CCDC125: variants seen among roughly 807,000 people sequenced by gnomAD.
CCDC125 encodes coiled-coil domain-containing protein 125.
In CCDC125, 43 loss-of-function variants were observed where a neutral mutation model predicts 57.4. That is an observed-to-expected ratio of 0.75 (90% CI 0.59 to 0.97). The LOEUF (loss-of-function observed/expected upper bound fraction) is 0.97. CCDC125 is among the 50% of genes least tolerant of loss of function. The pLI is 0.00. For synonymous variants in CCDC125, 187 were observed against 195.2 expected (o/e 0.96, Z 0.35); for missense variants, 563 against 595.7 (o/e 0.95, Z 0.57).
intron 6 of CCDC125, 125 bp downstream of exon 6, chr5:69,306,691 TA>T: frequency 9.2e-7 from 1 of 1,081,744 alleles, no homozygotes; most frequent in Non-Finnish European, 1.2e-6. Flanking sequence ...ATGCGACTAG[TA>T]AGTGGATAAG....
rs953340372 is a variant in CCDC125 at position 69,325,716 on chromosome 5, C to T, written c.-40-5136G>A. Among the ~76,000 whole-genome samples, 20 of 146,072 alleles carry T rather than the reference C, an allele frequency of 1.4e-4. 1 individual carries two copies. Among genetic ancestry groups the T allele is most frequent in the Non-Finnish European group, 2.5e-4 (17 of 66,854 alleles). ...GCAGGTGCCTGTAATCCTAGCTATTCGGGAGGCTGAGGCAGGAGAATCACT... is the reference window on the plus strand; with the variant it reads ...GCAGGTGCCTGTAATCCTAGCTATTTGGGAGGCTGAGGCAGGAGAATCACT... On this transcript the variant is annotated intron_variant, in intron 1 of 11. Coordinates refer to ENST00000396496, the MANE Select transcript of CCDC125 (RefSeq NM_176816.5).
Position 69,311,102 on chromosome 5 carries a change from A to T in CCDC125, c.453+16T>A. The stretch of plus-strand genomic sequence containing the variant: ...TGGAATGTGTAAATGGTGAAAGTTT[A>T]AAAACAACTTCTTACCATGCTTTGA... On this transcript the variant is annotated intron_variant, in intron 4 of 11. Coordinates refer to ENST00000396496, the MANE Select transcript of CCDC125 (RefSeq NM_176816.5). 6.4e-7 allele frequency: 1 copy of T among 1,556,366 alleles called. No homozygotes were observed. Among genetic ancestry groups the T allele is most frequent in the South Asian group, 1.1e-5 (1 of 88,016 alleles).
chr5:69,301,832 G>A (rs1008240003), intron 7 of CCDC125, among the ~76,000 whole-genome samples: 1 of 151,818 alleles, frequency 6.6e-6, no homozygotes, highest in African/African-American at 2.4e-5. Flanking sequence ...GGGAGGCAGA[G>A]GTCACAGTGA....
At chr5:69,290,540 T>G (rs1228668512) in intron 10 of CCDC125, among the ~76,000 whole-genome samples, 3 of 151,138 alleles carry the variant, frequency 2.0e-5, no homozygotes, top group African/African-American at 7.3e-5. Flanking sequence ...TGACCTCAGG[T>G]GATCTGCCTG....
downstream of CCDC125, chr5:69,277,085 T>TC: frequency 1.3e-6 from 2 of 1,582,452 alleles, no homozygotes; most frequent in Non-Finnish European, 1.7e-6. Flanking sequence ...CTTTTTTTTT[T>TC]CTTGTTCTTT....
intron 2 of CCDC125, among the ~76,000 whole-genome samples, chr5:69,315,755 C>T (rs1167267145): frequency 3.9e-5 from 2 of 51,582 alleles, no homozygotes; most frequent in African/African-American, 6.2e-5. Flanking sequence ...AGCAAAACTC[C>T]GTCTCAAAAA....
intron 2 of CCDC125, 51 bp from the exon 3 acceptor site, chr5:69,314,097 T>C (rs1758608175): frequency 8.1e-7 from 1 of 1,233,456 alleles, no homozygotes; most frequent in South Asian, 1.2e-5. Context: ...TTGAATATTT[T>C]AACTAATTAA....
intron 2 of CCDC125, among the ~76,000 whole-genome samples, chr5:69,316,482 C>A (rs956810161): frequency 2.0e-5 from 3 of 152,188 alleles, no homozygotes; most frequent in Non-Finnish European, 4.4e-5. Context: ...CTAGAAAAGG[C>A]AAAGGAGTAG....
chr5:69,303,209 GTTGT>G (rs965983005), intron 7 of CCDC125, among the ~76,000 whole-genome samples: 6 of 151,804 alleles, frequency 4.0e-5, no homozygotes, highest in African/African-American at 7.3e-5. Context: ...TGTTGTTGTT[GTTGT>G]TTGTTTGTTT....
chr5:69,277,188 T>A, downstream of CCDC125: 1 of 1,366,060 alleles, frequency 7.3e-7, no homozygotes, highest in Non-Finnish European at 1.0e-6. Context: ...AAAAGGCAAA[T>A]AATGGAAAAA....
At chr5:69,321,948 T>G (rs1760089020) in intron 1 of CCDC125, among the ~76,000 whole-genome samples, 1 of 152,136 alleles carries the variant, frequency 6.6e-6, no homozygotes, top group Non-Finnish European at 1.5e-5. Context: ...GCGATTATCC[T>G]GCCTCAGCCT....
At chr5:69,275,663 A>T (rs951211540), downstream of CCDC125, among the ~76,000 whole-genome samples, 2 of 152,220 alleles carry the variant, frequency 1.3e-5, no homozygotes, top group Non-Finnish European at 2.9e-5. Flanking sequence ...AATTTTGTCA[A>T]ATTAAAAATA....
rs775995072 is a variant in CCDC125, at chr5:69,314,002, G to A, written c.349C>T (p.Leu117Phe). ...GTACCTACCTCTAAAGTTTCATTAA[G>A]ACATTGCCTTAATTCTTCATTTGAC... ...ELSNEELRQC[L>F]NETLEEVEML... The change falls in exon 3 of 12, where the codon CTT becomes TTT. Residue 117 changes from leucine to phenylalanine, a missense_variant. By Grantham distance (22) the Leu-to-Phe change is conservative. Coordinates refer to ENST00000396496, the MANE Select transcript of CCDC125 (RefSeq NM_176816.5). 8 of 1,609,300 alleles carry A rather than the reference G, an allele frequency of 5.0e-6. No individual in the cohort carries two copies. The highest frequency in any genetic ancestry group is 1.3e-5 in the African/African-American group (1 of 74,830).
At chr5:69,324,059 A>T (rs1170855934) in intron 1 of CCDC125, among the ~76,000 whole-genome samples, 1 of 152,140 alleles carries the variant, frequency 6.6e-6, no homozygotes, top group East Asian at 1.9e-4. Flanking sequence ...AAGACATTTA[A>T]TCTCAGTCTT....
intron 2 of CCDC125, among the ~76,000 whole-genome samples, chr5:69,318,518 G>A (rs1048301171): frequency 2.7e-5 from 4 of 150,812 alleles, no homozygotes; most frequent in African/African-American, 4.9e-5. Flanking sequence ...TGAGGTGGGC[G>A]GATCACTTGA....
intron 1 of CCDC125, among the ~76,000 whole-genome samples, chr5:69,322,846 C>T (rs186326299): frequency 0.01 from 1,580 of 151,288 alleles, 9 homozygotes; most frequent in Non-Finnish European, 0.015. Context: ...CAGGTGTGAG[C>T]CACCGCACTG....
intron 3 of CCDC125, chr5:69,313,255 C>T (rs1758451094): frequency 9.3e-6 from 5 of 539,642 alleles, no homozygotes; most frequent in African/African-American, 1.9e-5. Flanking sequence ...AAGGGATTGC[C>T]CTTCCCCTGC....
rs530611061 is a variant in CCDC125 at position 69,295,002 on chromosome 5, C to T, written c.817-102G>A. On this transcript the variant is annotated intron_variant, in intron 8 of 11. Coordinates refer to ENST00000396496, the MANE Select transcript of CCDC125 (RefSeq NM_176816.5). Reference sequence around the variant, plus strand: ...ACACATACCCATGCACACTACTACTCAGGCATCTGATCCAAAAAAACTGGA... The same window carrying T: ...ACACATACCCATGCACACTACTACTTAGGCATCTGATCCAAAAAAACTGGA... The T allele has an allele frequency of 1.1e-4, 92 of 808,914 alleles. 1 individual carries two copies. The South Asian group carries it at 1.9e-3, about 17-fold the overall frequency. The allele number at this position is 808,914 out of a possible 1,614,324, so 50.1% of individuals were successfully genotyped here. A position where few individuals can be genotyped will look rare whatever the true frequency, so the allele number is the denominator to read the frequency against.
At chr5:69,322,519 T>C (rs1760187946) in intron 1 of CCDC125, among the ~76,000 whole-genome samples, 1 of 150,916 alleles carries the variant, frequency 6.6e-6, no homozygotes, top group Non-Finnish European at 1.5e-5. Context: ...AGCCCAGGAG[T>C]TTGAGACCAG....
Sources: gnomAD v4.1 joint callset for allele counts (sites outside exome capture counted in the v4.1 genomes callset) on GRCh38, gnomAD v4.1.1 for gene constraint, MANE v1.5 for transcripts, NCBI Gene and HGNC (gene_info 2026-07-23, HGNC 2026-07-21) for gene names.